Variants in TBC1D31 observed in about 807,000 individuals in gnomAD.
TBC1D31 encodes WD repeat domain 67.
A neutral mutation model predicts 132.9 loss-of-function variants in TBC1D31; 99 were observed. That is an observed-to-expected ratio of 0.74 (90% CI 0.63 to 0.88). The LOEUF is 0.88. Among genes scored for constraint, TBC1D31 ranks in the 40% least tolerant of loss-of-function variants. TBC1D31 has a pLI of 0.00. For synonymous variants in TBC1D31, 385 were observed against 419.4 expected, an observed-to-expected ratio of 0.92 and a Z score of 1.00; for missense variants, 1,134 against 1,256.6, an observed-to-expected ratio of 0.90 and a Z score of 1.48.
chr8:123,146,291 A>G (rs1037791138), intron 20 of TBC1D31, among the ~76,000 whole-genome samples: 3 of 152,194 alleles, frequency 2.0e-5, no homozygotes, highest in Non-Finnish European at 4.4e-5. Flanking sequence ...TCAGCACTTC[A>G]AAATAAACCC....
chr8:123,100,927 G>A lies in TBC1D31; in HGVS notation c.952G>A (p.Gly318Arg). Reference sequence around the variant, plus strand: ...TAGCTCATCAGCAATTAGCCCACATGGACGGTACATTGCATCTATTATGGA... The same window carrying A: ...TAGCTCATCAGCAATTAGCCCACATAGACGGTACATTGCATCTATTATGGA... ...GISSSAISPH[G>R]RYIASIMENG... The change falls in exon 7 of 22, where the codon GGA becomes AGA. Residue 318 changes from glycine to arginine, a missense_variant. Gly to Arg is a moderately radical substitution (Grantham distance 125, BLOSUM62 -2). Transcript: ENST00000287380. The A allele has an allele frequency of 6.2e-7, 1 of 1,613,924 alleles. No homozygotes were observed. Among genetic ancestry groups the A allele is most frequent in the Non-Finnish European group, 8.5e-7 (1 of 1,179,908 alleles).
intron 1 of TBC1D31, among the ~76,000 whole-genome samples, chr8:123,076,617 A>T (rs891109458): frequency 6.6e-6 from 1 of 152,146 alleles, no homozygotes; most frequent in Non-Finnish European, 1.5e-5. Context: ...TCCTGTCCTT[A>T]CAGAACTCGC....
chr8:123,122,128 T>C (rs1027763662), intron 11 of TBC1D31, among the ~76,000 whole-genome samples: 4 of 152,190 alleles, frequency 2.6e-5, no homozygotes, highest in African/African-American at 4.8e-5. Context: ...AAAAAACAAT[T>C]TGCCATTTCT....
chr8:123,101,518 G>T (rs1269927267), intron 7 of TBC1D31, among the ~76,000 whole-genome samples: 1 of 152,134 alleles, frequency 6.6e-6, no homozygotes, highest in Non-Finnish European at 1.5e-5. Context: ...GGGTTCAAGT[G>T]ATTCTCCTGC....
At chr8:123,095,439 G>A (rs1158177749) in intron 5 of TBC1D31, among the ~76,000 whole-genome samples, 1 of 152,142 alleles carries the variant, frequency 6.6e-6, no homozygotes, top group African/African-American at 2.4e-5. Context: ...GGAAAGGCAG[G>A]ATAAATGCTT....
chr8:123,153,416 G>C (rs902307765), downstream of TBC1D31, among the ~76,000 whole-genome samples: 2 of 152,096 alleles, frequency 1.3e-5, no homozygotes, highest in African/African-American at 4.8e-5. Context: ...ATATAGAACT[G>C]CAGTAGTTAA....
chr8:123,094,092 TCTCA>T (rs773731369), intron 5 of TBC1D31, among the ~76,000 whole-genome samples: 1 of 151,678 alleles, frequency 6.6e-6, no homozygotes, highest in Non-Finnish European at 1.5e-5. Flanking sequence ...TTAAATGGAG[TCTCA>T]CTCTGTCACC....
chr8:123,082,554 C>T (rs1815277936), intron 2 of TBC1D31, 148 bp from the exon 3 acceptor site: 1 of 603,672 alleles, frequency 1.7e-6, no homozygotes, highest in South Asian at 2.1e-5. Flanking sequence ...CTTAATATGG[C>T]ACATAGCACC....
chr8:123,084,601 A>AT (rs1233179623), intron 4 of TBC1D31, among the ~76,000 whole-genome samples: 1 of 152,104 alleles, frequency 6.6e-6, no homozygotes, highest in East Asian at 1.9e-4. Context: ...TTTTGTTTTC[A>AT]TTTTTAACCC....
chr8:123,083,223 G>A (rs1268113905), intron 3 of TBC1D31: 4 of 155,870 alleles, frequency 2.6e-5, no homozygotes, highest in Admixed American at 1.3e-4. Context: ...GCATTGGTGT[G>A]TGGCTGGCCA....
intron 2 of TBC1D31, among the ~76,000 whole-genome samples, chr8:123,078,905 C>G (rs1814832983): frequency 6.6e-6 from 1 of 152,166 alleles, no homozygotes; most frequent in African/African-American, 2.4e-5. Context: ...AGAAGCCTAG[C>G]AAACACTGCC....
At chr8:123,150,850 T>C (rs536900699) in intron 21 of TBC1D31, among the ~76,000 whole-genome samples, 8 of 152,348 alleles carry the variant, frequency 5.3e-5, no homozygotes, top group Admixed American at 1.3e-4. Flanking sequence ...TTTCAACTAT[T>C]TTTTTTCAAT....
intron 11 of TBC1D31, chr8:123,123,193 C>A (rs1242250703): frequency 6.6e-6 from 1 of 152,262 alleles, no homozygotes. Flanking sequence ...ATAAGAAGCA[C>A]CCAGATACTC....
In TBC1D31 at chr8:123,140,776, C is replaced by G; in HGVS notation, c.2515C>G (p.Gln839Glu). Residue 839 changes from glutamine (Q) to glutamate (E), a missense_variant, in exon 18 of 22, where the codon CAA becomes GAA. Gln to Glu is a conservative substitution (Grantham distance 29). Coordinates refer to ENST00000287380, the MANE Select transcript of TBC1D31 (RefSeq NM_145647.4). ...RLYEKNLTEN[Q>E]EALAKEMRAD... is the part of the protein sequence containing the mutation. ...ATTTTAACAGAATCTTACTGAAAATCAAGAAGCTCTTGCAAAAGAAATGCG... is the reference window on the plus strand; with the variant it reads ...ATTTTAACAGAATCTTACTGAAAATGAAGAAGCTCTTGCAAAAGAAATGCG... 6.2e-7 allele frequency: 1 copy of G among 1,602,192 alleles called. No homozygotes were observed. Among genetic ancestry groups the G allele is most frequent in the Non-Finnish European group, 8.5e-7 (1 of 1,177,020 alleles).
At chr8:123,082,328 C>T (rs866100012) in intron 2 of TBC1D31, among the ~76,000 whole-genome samples, 3 of 151,980 alleles carry the variant, frequency 2.0e-5, no homozygotes, top group Middle Eastern at 3.4e-3. Context: ...GAATCCATAC[C>T]GAACCTCTGC....
chr8:123,077,533 A>ATTTTTTTTT (rs33948089), intron 2 of TBC1D31, among the ~76,000 whole-genome samples: 1 of 143,482 alleles, frequency 7.0e-6, no homozygotes, highest in Non-Finnish European at 1.5e-5. Context: ...ATTATTGCTA[A>ATTTTTTTTT]TTTTTTTTTT....
At chr8:123,073,615 T>C (rs1035736447) in intron 1 of TBC1D31, among the ~76,000 whole-genome samples, 1 of 152,218 alleles carries the variant, frequency 6.6e-6, no homozygotes, top group Admixed American at 6.5e-5. Context: ...AGTGATCTTA[T>C]TGCTCCTAAT....
Position 123,084,273 on chromosome 8 carries a change from T to C in TBC1D31, c.452T>C (p.Leu151Ser), listed in dbSNP as rs745419216. 6.2e-7 allele frequency: 1 copy of C among 1,614,070 alleles called. No homozygotes were observed. Among genetic ancestry groups the C allele is most frequent in the African/African-American group, 1.3e-5 (1 of 74,938 alleles). The change falls in exon 4 of 22, where the codon TTA becomes TCA. Residue 151 changes from leucine (L) to serine (S), a missense_variant. Coordinates refer to ENST00000287380, the MANE Select transcript of TBC1D31 (RefSeq NM_145647.4). ...ACAACTTCTTCTGATACAGCACAAT[T>C]ATGGGACTTGGATACCTTTCAGAGA... ...AITTSSDTAQ[L>S]WDLDTFQRKR...
At position 123,105,613 on chromosome 8, in the gene TBC1D31, G is replaced by C. The variant is rs530851020; in HGVS notation, c.1209+149G>C. 4.6e-5 allele frequency: 34 copies of C among 739,886 alleles called. No individual in the cohort carries two copies. The African/African-American group carries it at 5.3e-4, about 11-fold the overall frequency. The allele number at this position is 739,886 out of a possible 1,614,324, so 45.8% of individuals were successfully genotyped here. A position where few individuals can be genotyped will look rare whatever the true frequency, so the allele number is the denominator to read the frequency against. On this transcript the variant is annotated intron_variant, in intron 8 of 21. Transcript: ENST00000287380. ...AAGTTGTAACCTAAATTATGCACAG[G>C]CTGGTCTCAATCCTGGCCTCAAGTG...
Sources: gnomAD v4.1 joint callset for allele counts (sites outside exome capture counted in the v4.1 genomes callset) on GRCh38, gnomAD v4.1.1 for gene constraint, MANE v1.5 for transcripts, NCBI Gene and HGNC (gene_info 2026-07-23, HGNC 2026-07-21) for gene names.